ARHGEF25: variants seen among roughly 807,000 people sequenced by gnomAD.
ARHGEF25 encodes Rho guanine nucleotide exchange factor 25.
ARHGEF25 carries 42 observed loss-of-function variants against 74.0 expected under a neutral mutation model. That is an observed-to-expected ratio of 0.57 (90% CI 0.44 to 0.73). The LOEUF (loss-of-function observed/expected upper bound fraction) is 0.73, where lower values mean the gene tolerates loss of function less well. Among genes scored for constraint, ARHGEF25 ranks in the 30% least tolerant of loss-of-function variants. ARHGEF25 has a pLI of 0.00. For missense variants in ARHGEF25, 645 were observed against 725.5 expected (o/e 0.89, Z 1.27); for synonymous variants, 293 against 278.6 (o/e 1.05, Z -0.51).
upstream of ARHGEF25, chr12:57,610,418 G>T: frequency 1.8e-6 from 2 of 1,089,058 alleles, no homozygotes; most frequent in African/African-American, 3.2e-5. Context: ...CGGGGCAGTC[G>T]CAGGAATACA....
In ARHGEF25 at chr12:57,612,996, C is replaced by G. The variant is rs151122035; in HGVS notation, c.164C>G (p.Pro55Arg). The G allele has an allele frequency of 3.0e-4, 484 of 1,614,192 alleles. No homozygotes were observed. The African/African-American group carries it at 5.9e-3, about 20-fold the overall frequency. The change falls in exon 2 of 15, where the codon CCC becomes CGC. Residue 55 changes from proline (P) to arginine (R), a missense_variant. This residue lies in a region of ARHGEF25 where 189 missense variants were observed against 199.1 expected (regional missense o/e 0.95). Transcript: ENST00000286494. Reference protein sequence around the residue: ...SASAASGLAAPSGPSSGLSSG... With the variant: ...SASAASGLAARSGPSSGLSSG... ...TCTGCTGCCTCCGGTCTGGCTGCCC[C>G]CTCTGGCCCCAGCTCTGGCCTCAGC...
At chr12:57,616,244 C>G (rs1367876521) in intron 13 of ARHGEF25, 40 bp from the exon 14 acceptor site, 4 of 1,576,722 alleles carry the variant, frequency 2.5e-6, no homozygotes, top group Non-Finnish European at 3.4e-6. Context: ...GCAGACCTGT[C>G]TCTGCGGTAA....
upstream of ARHGEF25, chr12:57,610,566 G>T (rs775389987): frequency 1.9e-6 from 3 of 1,605,704 alleles, no homozygotes; most frequent in South Asian, 2.2e-5. Context: ...TTCTGTCCCC[G>T]CAGCCCCCAA....
Position 57,611,650 on chromosome 12 carries a change from C to T in ARHGEF25, c.-245C>T, listed in dbSNP as rs1036349268. On this transcript the variant is annotated 5_prime_UTR_variant, in exon 1 of 15. Coordinates refer to ENST00000286494, the MANE Select transcript of ARHGEF25 (RefSeq NM_182947.4). The surrounding 1 kb of genome is among the most constrained non-coding windows in gnomAD (Gnocchi z 4.5). The stretch of plus-strand genomic sequence containing the variant: ...CCGCACCGACAGGGTTCCGGAAACC[C>T]TCCCCGCCCAGCCCGGCGGCCGGGC... 3.5e-4 allele frequency: 377 copies of T among 1,088,340 alleles called. No individual in the cohort carries two copies. The highest frequency in any genetic ancestry group is 4.2e-4 in the Non-Finnish European group (372 of 896,382). The allele number at this position is 1,088,340 out of a possible 1,614,324, so 67.4% of individuals were successfully genotyped here.
At chr12:57,613,169 A>C (rs375392703) in intron 2 of ARHGEF25, 25 bp downstream of exon 2, 2 of 1,611,218 alleles carry the variant, frequency 1.2e-6, no homozygotes, top group Admixed American at 3.3e-5. Context: ...GCACCAAAGC[A>C]TGTGGGACAT....
At position 57,615,603 on chromosome 12, in the gene ARHGEF25, G is replaced by T. The variant is rs375478212; in HGVS notation, c.1130G>T (p.Arg377Leu). The T allele has an allele frequency of 6.8e-6, 11 of 1,614,040 alleles. No homozygotes were observed. In the African/African-American group the frequency reaches 1.2e-4, roughly 18 times the overall value. The change falls in exon 12 of 15, where the codon CGA (arginine) becomes CTA (leucine). Residue 377 changes from arginine (R) to leucine (L), a missense_variant. By Grantham distance (102) the Arg-to-Leu change is moderately radical. Around this residue, in one of 3 missense-constraint regions of ARHGEF25, gnomAD observed 262 missense variants for 256.9 expected, o/e 1.02. Transcript: ENST00000286494. ...EAGGLLSSRG[R>L]ERRVFLFEQI... ...GGAGGGCTGCTGTCTTCCCGAGGTC[G>T]AGAGAGGCGCGTCTTCCTCTTTGAG...
In ARHGEF25 at chr12:57,612,006, G is replaced by A. The variant is rs1884075497; in HGVS notation, c.97+15G>A. On this transcript the variant is annotated intron_variant, in intron 1 of 14. Coordinates refer to ENST00000286494, the MANE Select transcript of ARHGEF25 (RefSeq NM_182947.4). ...GGGGGGACGTGGTGAGTGCCAGGTC[G>A]AGAGGGTCCAGTGTTGAGTGGGGGG... is the stretch of plus-strand genomic sequence containing the variant. 2 of 1,298,646 alleles carry A rather than the reference G, an allele frequency of 1.5e-6. No individual in the cohort carries two copies. The highest frequency in any genetic ancestry group is 3.1e-5 in the Admixed American group (1 of 32,364). 80.4% of individuals were successfully genotyped at this position (1,298,646 alleles called of 1,614,324 possible).
intron 1 of ARHGEF25, chr12:57,612,656 C>T: frequency 8.1e-7 from 1 of 1,241,290 alleles, no homozygotes; most frequent in South Asian, 2.6e-5. Flanking sequence ...GCCCCCACCC[C>T]CATATCTATG....
intron 1 of ARHGEF25, 131 bp downstream of exon 1, chr12:57,612,122 G>A (rs1230414913): frequency 1.3e-5 from 9 of 699,276 alleles, no homozygotes; most frequent in Non-Finnish European, 1.8e-5. Flanking sequence ...GGTTTCTTAA[G>A]TGATCCCTAA....
At chr12:57,610,521 C>T (rs1883995338), upstream of ARHGEF25, 9 of 1,500,448 alleles carry the variant, frequency 6.0e-6, no homozygotes, top group Admixed American at 6.0e-5. Context: ...AGGGGGAGGT[C>T]AGGGCTGCCT....
At chr12:57,611,400 C>T (rs1565725255), upstream of ARHGEF25, 1 of 980,936 alleles carries the variant, frequency 1.0e-6, no homozygotes, top group Non-Finnish European at 1.2e-6. This position sits in a 1 kb window ranked among gnomAD's most constrained non-coding sequence, Gnocchi z 4.5. Flanking sequence ...GCCGCAGAGG[C>T]CCCGCCTCGT....
chr12:57,614,070 G>A lies in ARHGEF25; in HGVS notation c.607G>A (p.Asp203Asn). Residue 203 changes from aspartate to asparagine, a missense_variant, in exon 6 of 15, where the codon GAC becomes AAC. Asp to Asn is a conservative substitution (Grantham distance 23). Coordinates refer to ENST00000286494, the MANE Select transcript of ARHGEF25 (RefSeq NM_182947.4). This position sits in a 1 kb window ranked among gnomAD's most constrained non-coding sequence, Gnocchi z 4.6. ...GGTCCCCGAGAGTCTTCGAGGCCGT[G>A]ACAGGATTGTGTTTGGGAATATCCA... ...QGVPESLRGR[D>N]RIVFGNIQQI... 1 of 1,614,122 alleles carries A rather than the reference G, an allele frequency of 6.2e-7. No individual in the cohort carries two copies. The highest frequency in any genetic ancestry group is 1.1e-5 in the South Asian group (1 of 91,062).
chr12:57,613,475 G>A lies in ARHGEF25; in HGVS notation c.444G>A (p.Glu148=). ...AGGAGACTTTGTCCCAAGCCCCTGAGAGTGAGGAGGAACAGAAGAAGAAGG... is the reference window on the plus strand; with the variant it reads ...AGGAGACTTTGTCCCAAGCCCCTGAAAGTGAGGAGGAACAGAAGAAGAAGG... The part of the protein sequence containing the change: ...PEEETLSQAP[E]SEEEQKKKAL... Residue 148 remains glutamate (E), a synonymous_variant, in exon 4 of 15, where the codon GAG becomes GAA. Transcript: ENST00000286494. 1 of 1,614,220 alleles carries A rather than the reference G, an allele frequency of 6.2e-7. No homozygotes were observed. Among genetic ancestry groups the A allele is most frequent in the Admixed American group, 1.7e-5 (1 of 60,022 alleles).
In ARHGEF25 at chr12:57,616,999, C is replaced by T; in HGVS notation, c.*105C>T. The T allele has an allele frequency of 1.1e-6, 1 of 911,796 alleles. No homozygotes were observed. Among genetic ancestry groups the T allele is most frequent in the South Asian group, 1.5e-5 (1 of 66,784 alleles). 56.5% of individuals were successfully genotyped at this position (911,796 alleles called of 1,614,324 possible). On this transcript the variant is annotated 3_prime_UTR_variant, in exon 15 of 15. Coordinates refer to ENST00000286494, the MANE Select transcript of ARHGEF25 (RefSeq NM_182947.4). ...CCAGAATTCCTCCTTCTTGGTGTGTCTGGAGGGTGGGCAAGGCTGGGAGGG... is the reference window on the plus strand; with the variant it reads ...CCAGAATTCCTCCTTCTTGGTGTGTTTGGAGGGTGGGCAAGGCTGGGAGGG...
rs1884170896 is a variant in ARHGEF25 at position 57,614,000 on chromosome 12, C to T, written c.553-16C>T. Reference sequence around the variant, plus strand: ...GGCCACCACATGCTCATGACCCAACCTCAACTTTCCCACAGGGTTATATGG... The same window carrying T: ...GGCCACCACATGCTCATGACCCAACTTCAACTTTCCCACAGGGTTATATGG... On this transcript the variant is annotated splice_polypyrimidine_tract_variant and intron_variant, in intron 5 of 14. Coordinates refer to ENST00000286494, the MANE Select transcript of ARHGEF25 (RefSeq NM_182947.4). The T allele has an allele frequency of 3.1e-6, 5 of 1,613,212 alleles. No homozygotes were observed. Among genetic ancestry groups the T allele is most frequent in the Admixed American group, 1.7e-5 (1 of 59,980 alleles).
intron 12 of ARHGEF25, 49 bp downstream of exon 12, chr12:57,615,761 G>T: frequency 6.2e-7 from 1 of 1,612,302 alleles, no homozygotes; most frequent in Non-Finnish European, 8.5e-7. Context: ...AGGGCATGAG[G>T]CCTCTGAGAG....
chr12:57,610,352 T>C (rs1237412590), upstream of ARHGEF25: 2 of 1,392,740 alleles, frequency 1.4e-6, no homozygotes, highest in Admixed American at 5.0e-5. Flanking sequence ...CGGGGGTCTT[T>C]CGGGGCCTTC....
In ARHGEF25 at chr12:57,614,632, A is replaced by G. The variant is rs1884200072; in HGVS notation, c.816+27A>G. ...TCAGTAGCTGAGATGTCTTGGTGGG[A>G]AGGAGGACAGAACTGGGGCTTTCCA... On this transcript the variant is annotated intron_variant, in intron 8 of 14. Transcript: ENST00000286494. The surrounding 1 kb of genome is among the most constrained non-coding windows in gnomAD (Gnocchi z 4.6). 5 of 1,613,944 alleles carry G rather than the reference A, an allele frequency of 3.1e-6. No homozygotes were observed. Among genetic ancestry groups the G allele is most frequent in the Non-Finnish European group, 4.2e-6 (5 of 1,179,952 alleles).
In ARHGEF25 at chr12:57,614,014, A is replaced by AG; in HGVS notation, c.554dup. The AG allele has an allele frequency of 6.2e-7, 1 of 1,613,984 alleles. No homozygotes were observed. The highest frequency in any genetic ancestry group is 1.1e-5 in the South Asian group (1 of 91,076). The stretch of plus-strand genomic sequence containing the variant: ...CATGACCCAACCTCAACTTTCCCAC[A>AG]GGGTTATATGGCCACCATGGCTGCT... On this transcript the variant is annotated splice_acceptor_variant, in intron 5 of 14. Coordinates refer to ENST00000286494, the MANE Select transcript of ARHGEF25 (RefSeq NM_182947.4). LOFTEE classifies it high-confidence loss of function. This position sits in a 1 kb window ranked among gnomAD's most constrained non-coding sequence, Gnocchi z 4.6.
Sources: allele counts gnomAD v4.1 joint callset, GRCh38; gene constraint gnomAD v4.1.1; regional missense constraint gnomAD v4.1.1; non-coding constraint Gnocchi (gnomAD v3.1); transcripts MANE v1.5; gene names NCBI Gene and HGNC (gene_info 2026-07-23, HGNC 2026-07-21).